BAIAP3: variants seen among roughly 807,000 people sequenced by gnomAD.
BAIAP3 encodes BAI1-associated protein 3.
Under a neutral mutation model 149.7 loss-of-function variants are expected in BAIAP3, and 180 were observed. That is an observed-to-expected ratio of 1.20 (90% CI 1.07 to 1.36). The LOEUF (loss-of-function observed/expected upper bound fraction) is 1.36, where lower values mean the gene tolerates loss of function less well. BAIAP3 is among the 40% of genes most tolerant of loss of function. BAIAP3 has a pLI of 0.00. For missense variants in BAIAP3, 1,767 were observed against 1,563.4 expected (o/e 1.13, Z -2.20); for synonymous variants, 845 against 670.7 (o/e 1.26, Z -4.02).
intron 7 of BAIAP3, 30 bp downstream of exon 7, chr16:1,341,225 C>T (rs376854970): frequency 7.4e-5 from 119 of 1,607,692 alleles, no homozygotes; most frequent in Admixed American, 1.2e-4. Flanking sequence ...ACCTCGGCTG[C>T]GCCGAGGCCT....
chr16:1,343,086 TGCG>T, intron 14 of BAIAP3, 70 bp downstream of exon 14: 1 of 1,110,546 alleles, frequency 9.0e-7, no homozygotes, highest in Non-Finnish European at 1.2e-6. Context: ...TCGGGGGCCA[TGCG>T]GTGAGTGGAT....
rs138891279 is a variant in BAIAP3 at position 1,348,598 on chromosome 16, G to C, written c.*116G>C. 8.6e-6 allele frequency: 9 copies of C among 1,047,122 alleles called. No homozygotes were observed. Among genetic ancestry groups the C allele is most frequent in the South Asian group, 2.9e-5 (2 of 68,054 alleles). 64.9% of individuals were successfully genotyped at this position (1,047,122 alleles called of 1,614,324 possible). A position where few individuals can be genotyped will look rare whatever the true frequency, so the allele number is the denominator to read the frequency against. ...GCCCACGGCGCCCCTCCTGTGCTGT[G>C]ACGTGTGTGTCGTGGCTGGCCCCGC... On this transcript the variant is annotated 3_prime_UTR_variant, in exon 34 of 34. Transcript: ENST00000426824.
At position 1,343,268 on chromosome 16, in the gene BAIAP3, T is replaced by G. The variant is rs111931568; in HGVS notation, c.1266-125T>G. The G allele has an allele frequency of 1.6e-4, 227 of 1,395,878 alleles. 2 individuals carry two copies. The African/African-American group carries it at 2.8e-3, about 17-fold the overall frequency. The allele number at this position is 1,395,878 out of a possible 1,614,324, so 86.5% of individuals were successfully genotyped here. On this transcript the variant is annotated intron_variant, in intron 14 of 33. Transcript: ENST00000426824. ...AATTGGAGGGCAGGGAAAGGGGCAG[T>G]GCTATGAGTAGGCGCGGCAGTGCTG...
At chr16:1,343,298 G>C (rs1423841552) in intron 14 of BAIAP3, 95 bp from the exon 15 acceptor site, 4 of 1,496,370 alleles carry the variant, frequency 2.7e-6, no homozygotes, top group Non-Finnish European at 3.6e-6. Context: ...GTGCTGATTG[G>C]GTGGGGCAGA....
At chr16:1,345,698 C>T in intron 22 of BAIAP3, 49 bp from the exon 23 acceptor site, 1 of 1,406,792 alleles carries the variant, frequency 7.1e-7, no homozygotes. Flanking sequence ...CCCCACCTCC[C>T]CAGCCTCCCC....
In BAIAP3 at chr16:1,338,568, A is replaced by G. The variant is rs1371629378; in HGVS notation, c.19A>G (p.Ile7Val). Residue 7 changes from isoleucine (I) to valine (V), a missense_variant, in exon 2 of 34, where the codon ATT becomes GTT. By Grantham distance (29) the Ile-to-Val change is conservative (BLOSUM62 3). Coordinates refer to ENST00000426824, the MANE Select transcript of BAIAP3 (RefSeq NM_001199097.2). MSTLLD[I>V]KSSVLRQVQV... ...ACCCGCCATGTCGACCTTGCTGGAC[A>G]TTAAGAGCAGCGTGCTCAGGCAGGT... 5 of 1,609,808 alleles carry G rather than the reference A, an allele frequency of 3.1e-6. No individual in the cohort carries two copies. The highest frequency in any genetic ancestry group is 3.4e-6 in the Non-Finnish European group (4 of 1,178,830).
Position 1,345,978 on chromosome 16 carries a change from C to G in BAIAP3, c.2209-8C>G, listed in dbSNP as rs781529657. 5 of 1,601,048 alleles carry G rather than the reference C, an allele frequency of 3.1e-6. No homozygotes were observed. In the East Asian group the frequency reaches 6.7e-5, roughly 22 times the overall value. On this transcript the variant is annotated splice_region_variant and splice_polypyrimidine_tract_variant and intron_variant, in intron 23 of 33. Transcript: ENST00000426824. ...CTCCATGGCTCCCCACCGCCATCCC[C>G]TCCTCAGGACGTGTGTGAGGCCACC...
intron 8 of BAIAP3, 64 bp from the exon 9 acceptor site, chr16:1,341,758 C>T: frequency 6.4e-6 from 10 of 1,557,708 alleles, no homozygotes; most frequent in Non-Finnish European, 8.7e-6. Context: ...TTCTGGACTC[C>T]CTGACCCCGG....
Position 1,342,256 on chromosome 16 carries a change from C to T in BAIAP3, c.930C>T (p.Phe310=), listed in dbSNP as rs774268778. The T allele has an allele frequency of 1.2e-6, 2 of 1,612,570 alleles. No homozygotes were observed. The highest frequency in any genetic ancestry group is 8.5e-7 in the Non-Finnish European group (1 of 1,179,844). ...AGPTEDHTDD[F]LGCLNIPVRE... is the part of the protein sequence containing the mutation. ...CCACCGAGGACCACACCGATGACTT[C>T]CTGGGGTGCCTCAACATACCTGTCC... The change falls in exon 11 of 34, where the codon TTC becomes TTT. Residue 310 remains phenylalanine (F), a synonymous_variant. Coordinates refer to ENST00000426824, the MANE Select transcript of BAIAP3 (RefSeq NM_001199097.2).
intron 3 of BAIAP3, 69 bp from the exon 4 acceptor site, chr16:1,339,095 C>G (rs1278526191): frequency 1.8e-5 from 29 of 1,586,966 alleles, no homozygotes; most frequent in Non-Finnish European, 2.4e-5. Flanking sequence ...GGGGCACCAC[C>G]TGTCTTCCCT....
Position 1,346,664 on chromosome 16 carries a change from G to C in BAIAP3, c.2622G>C (p.Leu874=). ...AGCTGGCCCTGCTGAACGCCTCGCTGGTGAAGGGGAACCTGAGCAGGTGCG... is the reference window on the plus strand; with the variant it reads ...AGCTGGCCCTGCTGAACGCCTCGCTCGTGAAGGGGAACCTGAGCAGGTGCG... ...DEKLALLNAS[L]VKGNLSRVLE... The change falls in exon 27 of 34, where the codon CTG becomes CTC. Residue 874 remains leucine, a synonymous_variant. Transcript: ENST00000426824. The C allele has an allele frequency of 6.5e-7, 1 of 1,531,592 alleles. No individual in the cohort carries two copies. Among genetic ancestry groups the C allele is most frequent in the South Asian group, 1.2e-5 (1 of 83,784 alleles). 94.9% of individuals were successfully genotyped at this position (1,531,592 alleles called of 1,614,324 possible). A position where few individuals can be genotyped will look rare whatever the true frequency, so the allele number is the denominator to read the frequency against.
intron 15 of BAIAP3, among the ~76,000 whole-genome samples, chr16:1,343,794 G>C (rs770940978): frequency 6.6e-6 from 1 of 152,224 alleles, no homozygotes; most frequent in Non-Finnish European, 1.5e-5. Flanking sequence ...TGGCAGGACG[G>C]ACGTGGGAAC....
At position 1,345,341 on chromosome 16, in the gene BAIAP3, G is replaced by A; in HGVS notation, c.2033G>A (p.Trp678Ter). 6.2e-7 allele frequency: 1 copy of A among 1,612,850 alleles called. No individual in the cohort carries two copies. Among genetic ancestry groups the A allele is most frequent in the Non-Finnish European group, 8.5e-7 (1 of 1,179,858 alleles). ...WFQVLRDQAK[W>*]RLQGAVDMDT... Reference sequence around the variant, plus strand: ...CAAGTGCTGAGGGACCAGGCCAAGTGGAGGCTTCAGGGAGCCGTGGACATG... The same window carrying A: ...CAAGTGCTGAGGGACCAGGCCAAGTAGAGGCTTCAGGGAGCCGTGGACATG... The change falls in exon 22 of 34, where the codon TGG becomes TAG. Residue 678 changes from tryptophan to a stop codon, truncating the protein, a stop_gained. Coordinates refer to ENST00000426824, the MANE Select transcript of BAIAP3 (RefSeq NM_001199097.2). LOFTEE classifies it high-confidence loss of function.
intron 1 of BAIAP3, chr16:1,334,626 G>C (rs201748976): frequency 6.5e-7 from 1 of 1,536,496 alleles, no homozygotes; most frequent in Non-Finnish European, 8.8e-7. Context: ...CACCGGCAGC[G>C]CTTGTTAGAA....
chr16:1,336,597 AC>A (rs1245678901), intron 1 of BAIAP3, among the ~76,000 whole-genome samples: 1 of 151,914 alleles, frequency 6.6e-6, no homozygotes, highest in African/African-American at 2.4e-5. Context: ...GTGACCCTGA[AC>A]CCCCACAGAC....
At chr16:1,342,388 C>T (rs1326294238) in intron 11 of BAIAP3, 105 bp downstream of exon 11, 2 of 1,404,724 alleles carry the variant, frequency 1.4e-6, no homozygotes, top group Non-Finnish European at 2.0e-6. Flanking sequence ...TGCTTTTGGG[C>T]CTCCACTGAG....
chr16:1,334,502 G>A (rs1372621600), intron 1 of BAIAP3: 20 of 639,698 alleles, frequency 3.1e-5, no homozygotes, highest in Non-Finnish European at 5.5e-5. Context: ...GGAGCGCTGC[G>A]CAGACACGGG....
chr16:1,345,714 C>T, intron 22 of BAIAP3, 33 bp from the exon 23 acceptor site: 1 of 1,494,224 alleles, frequency 6.7e-7, no homozygotes, highest in Non-Finnish European at 8.9e-7. Context: ...TCCCCTGCCT[C>T]CCCAGCAAAC....
chr16:1,341,612 C>G, intron 8 of BAIAP3, 123 bp downstream of exon 8: 1 of 1,344,562 alleles, frequency 7.4e-7, no homozygotes. Context: ...TGCCCACTTT[C>G]CAGAGGAGAA....
Sources: gnomAD v4.1 joint callset for allele counts (sites outside exome capture counted in the v4.1 genomes callset) on GRCh38, gnomAD v4.1.1 for gene constraint, MANE v1.5 for transcripts, NCBI Gene and HGNC (gene_info 2026-07-23, HGNC 2026-07-21) for gene names.